PSMG2: variants seen among roughly 807,000 people sequenced by gnomAD.
PSMG2 encodes CD40 ligand-activated specific transcript 3.
A neutral mutation model predicts 31.5 loss-of-function variants in PSMG2; 21 were observed. That is an observed-to-expected ratio of 0.67 (90% CI 0.47 to 0.96). PSMG2 has a LOEUF of 0.96. PSMG2 is among the 40% of genes least tolerant of loss of function. The pLI is 0.00. For synonymous variants in PSMG2, 120 were observed against 110.4 expected (o/e 1.09, Z -0.54); for missense variants, 318 against 321.2 (o/e 0.99, Z 0.08).
chr18:12,725,503 G>T lies in PSMG2; in HGVS notation c.767G>T (p.Gly256Val). ...CCAAGTTCTTGGAGATTACTCTTTG[G>T]CAGTGGTCTTCCCCCTGCACTTTTC... ...KIPSSWRLLF[G>V]SGLPPALF The change falls in exon 7 of 7, where the codon GGC (glycine) becomes GTC (valine). Residue 256 changes from glycine (G) to valine (V), a missense_variant. By Grantham distance (109) the Gly-to-Val change is moderately radical. Coordinates refer to ENST00000317615, the MANE Select transcript of PSMG2 (RefSeq NM_020232.5). The T allele has an allele frequency of 6.2e-7, 1 of 1,603,862 alleles. No homozygotes were observed. Among genetic ancestry groups the T allele is most frequent in the Non-Finnish European group, 8.5e-7 (1 of 1,171,142 alleles).
intron 1 of PSMG2, among the ~76,000 whole-genome samples, chr18:12,690,921 A>T (rs2039733112): frequency 6.6e-6 from 1 of 151,176 alleles, no homozygotes; most frequent in African/African-American, 2.4e-5. Flanking sequence ...CCTAACAAAA[A>T]ATATATATAT....
chr18:12,703,414 C>T (rs1241045201), intron 1 of PSMG2, among the ~76,000 whole-genome samples: 1 of 152,172 alleles, frequency 6.6e-6, no homozygotes, highest in Admixed American at 6.5e-5. Flanking sequence ...GTGATGTGTT[C>T]GTACGTTCTA....
At chr18:12,691,617 GCCT>G in intron 1 of PSMG2, 2 of 591,064 alleles carry the variant, frequency 3.4e-6, no homozygotes, top group East Asian at 5.9e-5. Flanking sequence ...TTCTATAAGA[GCCT>G]CCTGACTTCC....
chr18:12,680,461 T>C (rs1458232085), intron 1 of PSMG2, among the ~76,000 whole-genome samples: 1 of 151,930 alleles, frequency 6.6e-6, no homozygotes, highest in African/African-American at 2.4e-5. Flanking sequence ...CCAGGTGCGG[T>C]GGCACATGCC....
chr18:12,679,777 T>A (rs1048884931), intron 1 of PSMG2, among the ~76,000 whole-genome samples: 1 of 152,060 alleles, frequency 6.6e-6, no homozygotes, highest in Admixed American at 6.6e-5. Context: ...AAAAAACATA[T>A]GCCAGCCAGG....
chr18:12,673,041 A>C, intron 1 of PSMG2: 1 of 1,019,376 alleles, frequency 9.8e-7, no homozygotes, highest in Non-Finnish European at 1.2e-6. Flanking sequence ...CTCTTTGATT[A>C]CCTGTTTGTG....
intron 1 of PSMG2, chr18:12,658,873 G>A (rs991344917): frequency 3.5e-6 from 1 of 288,242 alleles, no homozygotes; most frequent in African/African-American, 2.2e-5. Flanking sequence ...ATAATTTGCA[G>A]GTGTTAGTTT....
chr18:12,662,151 T>C (rs1245638341), intron 1 of PSMG2: 1 of 450,658 alleles, frequency 2.2e-6, no homozygotes, highest in Admixed American at 2.4e-5. Context: ...GGACAAGTGC[T>C]CCTAAGAGGC....
chr18:12,671,364 A>C (rs937733905), intron 1 of PSMG2, among the ~76,000 whole-genome samples: 1 of 152,174 alleles, frequency 6.6e-6, no homozygotes, highest in Non-Finnish European at 1.5e-5. Context: ...ACTGGTATAG[A>C]GTTACTTTCT....
intron 1 of PSMG2, chr18:12,674,482 AC>A (rs2039050212): frequency 1.5e-6 from 2 of 1,329,984 alleles, no homozygotes; most frequent in African/African-American, 2.9e-5. Context: ...CCCCTGCCGG[AC>A]TGATCTGTAA....
chr18:12,712,860 A>G, intron 3 of PSMG2, 100 bp downstream of exon 3: 1 of 853,602 alleles, frequency 1.2e-6, no homozygotes, highest in Non-Finnish European at 1.9e-6. Context: ...TTTTTACCAT[A>G]TGTACAGTTA....
At chr18:12,716,373 C>T (rs1202999321) in intron 3 of PSMG2, among the ~76,000 whole-genome samples, 2 of 149,578 alleles carry the variant, frequency 1.3e-5, no homozygotes, top group Admixed American at 6.7e-5. Flanking sequence ...TTTTTGGCAG[C>T]TGGAAGTAAA....
chr18:12,672,748 A>C, intron 1 of PSMG2: 1 of 973,306 alleles, frequency 1.0e-6, no homozygotes, highest in Non-Finnish European at 1.2e-6. Flanking sequence ...TAAATGATTC[A>C]TGTACTTTCA....
At chr18:12,679,468 G>A (rs1028893644) in intron 1 of PSMG2, among the ~76,000 whole-genome samples, 11 of 152,042 alleles carry the variant, frequency 7.2e-5, no homozygotes, top group Non-Finnish European at 1.2e-4. Flanking sequence ...TTTGTGGAGC[G>A]TCCGTTTCCC....
chr18:12,704,556 T>G (rs1168540404), intron 1 of PSMG2, among the ~76,000 whole-genome samples: 1 of 152,032 alleles, frequency 6.6e-6, no homozygotes, highest in Non-Finnish European at 1.5e-5. Flanking sequence ...GCCACTGCAC[T>G]CCAGCCTGGG....
chr18:12,681,820 T>C (rs1260523780), intron 1 of PSMG2, among the ~76,000 whole-genome samples: 1 of 152,058 alleles, frequency 6.6e-6, no homozygotes, highest in Non-Finnish European at 1.5e-5. Flanking sequence ...TAAAAAGTTA[T>C]AAAGACCTAT....
At chr18:12,700,041 G>C (rs2040098912), upstream of PSMG2, 6 of 460,190 alleles carry the variant, frequency 1.3e-5, no homozygotes, top group Non-Finnish European at 1.5e-5. Flanking sequence ...TATTTTCCTA[G>C]CCTAATTAAA....
upstream of PSMG2, chr18:12,699,024 C>G: frequency 6.2e-7 from 1 of 1,613,760 alleles, no homozygotes; most frequent in Non-Finnish European, 8.5e-7. Flanking sequence ...TCATGAAAAT[C>G]TGGTTCACAG....
intron 1 of PSMG2, chr18:12,678,114 T>C: frequency 6.2e-7 from 1 of 1,609,184 alleles, no homozygotes; most frequent in Non-Finnish European, 8.5e-7. Flanking sequence ...ATTACCTTCC[T>C]GTGTTCTGAC....
Sources: allele counts gnomAD v4.1 joint callset (sites outside exome capture counted in the v4.1 genomes callset), GRCh38; gene constraint gnomAD v4.1.1; transcripts MANE v1.5; gene names NCBI Gene and HGNC (gene_info 2026-07-23, HGNC 2026-07-21).